PDE4C: variants seen among roughly 807,000 people sequenced by gnomAD.
PDE4C encodes the protein phosphodiesterase 4C, also known as 3',5'-cyclic-AMP phosphodiesterase 4C.
In PDE4C, 50 loss-of-function variants were observed where a neutral mutation model predicts 63.9. That is an observed-to-expected ratio of 0.78 (90% CI 0.62 to 0.99). The LOEUF (loss-of-function observed/expected upper bound fraction) is 0.99, where lower values mean the gene tolerates loss of function less well. PDE4C is among the 50% of genes least tolerant of loss of function. The probability of loss-of-function intolerance (pLI) is 0.00; values close to 1 mark genes in which losing one functional copy is unlikely to be tolerated. For missense variants in PDE4C, 777 were observed against 899.1 expected (o/e 0.86, Z 1.74); for synonymous variants, 377 against 385.1 (o/e 0.98, Z 0.25).
exon 2 of PDE4C, chr19:18,222,215 G>T: frequency 6.2e-7 from 1 of 1,614,192 alleles, no homozygotes; most frequent in Non-Finnish European, 8.5e-7. Context: ...GGAAGGACTC[G>T]CGCCGCTGGC....
At chr19:18,208,957 G>C (rs1201040011), downstream of PDE4C, 1 of 152,126 alleles carries the variant, frequency 6.6e-6, no homozygotes, top group East Asian at 1.9e-4. Context: ...AACACGTAGG[G>C]GACCCAGTAT....
At chr19:18,252,438 G>T (rs192742975), upstream of PDE4C, 1 of 399,094 alleles carries the variant, frequency 2.5e-6, no homozygotes, top group South Asian at 1.3e-4. Context: ...GCTGACAGGT[G>T]ATGTCTCCAT....
In PDE4C at chr19:18,248,040, G is replaced by C; in HGVS notation, c.-210+131C>G. ...AGGTCTCCTGGCCCCAGACACATGGGAGACCCATTCAGCTCCCAGAGTGGC... is the reference window on the plus strand; with the variant it reads ...AGGTCTCCTGGCCCCAGACACATGGCAGACCCATTCAGCTCCCAGAGTGGC... On this transcript the variant is annotated intron_variant, in intron 1 of 15. Coordinates refer to the PDE4C transcript ENST00000594617. 15 of 377,762 alleles carry C rather than the reference G, an allele frequency of 4.0e-5. 1 individual carries two copies. In the Middle Eastern group the frequency reaches 1.5e-3, roughly 38 times the overall value. 23.4% of individuals were successfully genotyped at this position (377,762 alleles called of 1,614,324 possible).
chr19:18,239,433 G>A (rs112119112), intron 1 of PDE4C, among the ~76,000 whole-genome samples: 1 of 152,164 alleles, frequency 6.6e-6, no homozygotes, highest in Non-Finnish European at 1.5e-5. Flanking sequence ...ACGTGGTCCA[G>A]GGCAAGCGGC....
upstream of PDE4C, among the ~76,000 whole-genome samples, chr19:18,229,219 G>A (rs1968800871): frequency 6.6e-6 from 1 of 151,566 alleles, no homozygotes; most frequent in South Asian, 2.1e-4. Flanking sequence ...AAAGTGCTGG[G>A]ATTACAGGCG....
At chr19:18,250,028 G>A (rs144421714), upstream of PDE4C, 677 of 398,456 alleles carry the variant, frequency 1.7e-3, 1 homozygote, top group Admixed American at 3.8e-3. Flanking sequence ...GTTTTCACAC[G>A]AGGCCTTGGA....
At chr19:18,219,513 C>A in intron 7 of PDE4C, 116 bp from the exon 8 acceptor site, 3 of 1,221,200 alleles carry the variant, frequency 2.5e-6, no homozygotes, top group Non-Finnish European at 3.3e-6. Context: ...CTACAGGAAC[C>A]AAAGTAAGTT....
upstream of PDE4C, among the ~76,000 whole-genome samples, chr19:18,230,690 G>T (rs899601110): frequency 1.3e-5 from 2 of 151,980 alleles, no homozygotes; most frequent in Non-Finnish European, 2.9e-5. Flanking sequence ...CTTTCCTCCT[G>T]CAGGCTAAGC....
At chr19:18,219,075 C>A (rs1968344479) in intron 8 of PDE4C, 37 bp from the exon 9 acceptor site, 1 of 1,587,672 alleles carries the variant, frequency 6.3e-7, no homozygotes, top group East Asian at 2.2e-5. Flanking sequence ...TTAACCCCAG[C>A]CCAACTTCCC....
intron 1 of PDE4C, among the ~76,000 whole-genome samples, chr19:18,245,427 A>G (rs1969112627): frequency 6.6e-6 from 1 of 151,914 alleles, no homozygotes; most frequent in Non-Finnish European, 1.5e-5. Flanking sequence ...AGCCTCCCAA[A>G]GTGCTGGGAT....
At chr19:18,233,963 C>A (rs1172916472), upstream of PDE4C, among the ~76,000 whole-genome samples, 1 of 152,200 alleles carries the variant, frequency 6.6e-6, no homozygotes, top group Non-Finnish European at 1.5e-5. Flanking sequence ...CTCTTTGGAG[C>A]CCTAAAACCC....
chr19:18,215,122 A>C (rs570220700), intron 12 of PDE4C, among the ~76,000 whole-genome samples: 39 of 152,094 alleles, frequency 2.6e-4, no homozygotes, highest in African/African-American at 9.4e-4. Flanking sequence ...CCCACCACTC[A>C]AGACCCCAAC....
chr19:18,230,300 G>C (rs1968823329), upstream of PDE4C, among the ~76,000 whole-genome samples: 2 of 152,204 alleles, frequency 1.3e-5, no homozygotes, highest in African/African-American at 2.4e-5. Context: ...GAGGTCAAGA[G>C]TTTGAGACCA....
At chr19:18,210,455 A>G (rs1967872516), downstream of PDE4C, 1 of 152,866 alleles carries the variant, frequency 6.5e-6, no homozygotes, top group Admixed American at 6.5e-5. Flanking sequence ...CGCTTGGTAG[A>G]GGAAGACAGG....
chr19:18,218,555 G>T (rs1276627631), intron 9 of PDE4C, 57 bp from the exon 10 acceptor site: 3 of 1,587,492 alleles, frequency 1.9e-6, no homozygotes, highest in East Asian at 4.5e-5. Context: ...AGCACACGCT[G>T]TTCCTACCCC....
upstream of PDE4C, chr19:18,250,589 C>G: frequency 2.5e-6 from 1 of 397,140 alleles, no homozygotes; most frequent in Non-Finnish European, 4.4e-6. Context: ...TCTTCCCTCT[C>G]CAGTTGAGGC....
chr19:18,221,142 C>T (rs769590869), exon 4 of PDE4C: 1 of 1,589,708 alleles, frequency 6.3e-7, no homozygotes. Context: ...GCAAGGGCCG[C>T]CACGTTGCTC....
intron 2 of PDE4C, 105 bp from the exon 3 acceptor site, chr19:18,221,402 C>A: frequency 8.3e-7 from 1 of 1,205,258 alleles, no homozygotes; most frequent in Non-Finnish European, 1.2e-6. Flanking sequence ...GACTTCTCCT[C>A]CAGGCTCCTT....
chr19:18,245,663 T>C (rs1359382992), intron 1 of PDE4C, among the ~76,000 whole-genome samples: 4 of 152,282 alleles, frequency 2.6e-5, no homozygotes, highest in South Asian at 4.1e-4. Flanking sequence ...ACATTTTCTC[T>C]TTTTTCTTGC....
Sources: allele counts gnomAD v4.1 joint callset (sites outside exome capture counted in the v4.1 genomes callset), GRCh38; gene constraint gnomAD v4.1.1; transcripts MANE v1.5; gene names NCBI Gene and HGNC (gene_info 2026-07-23, HGNC 2026-07-21).